WDR76: variants seen among roughly 807,000 people sequenced by gnomAD.
WDR76 encodes the protein WD repeat-containing protein 76.
WDR76 carries 52 observed loss-of-function variants against 70.2 expected under a neutral mutation model. That is an observed-to-expected ratio of 0.74 (90% CI 0.59 to 0.93). WDR76 has a LOEUF of 0.93. Among genes scored for constraint, WDR76 ranks in the 40% least tolerant of loss-of-function variants. WDR76 has a pLI of 0.00. For missense variants in WDR76, 756 were observed against 760.2 expected (o/e 0.99, Z 0.07); for synonymous variants, 292 against 271.1 (o/e 1.08, Z -0.76).
At chr15:43,861,294 T>C (rs767030610) in intron 11 of WDR76, 39 bp from the exon 12 acceptor site, 1 of 1,553,440 alleles carries the variant, frequency 6.4e-7, no homozygotes, top group South Asian at 1.1e-5. Context: ...AGAAAGTTTT[T>C]AAGTAACAAA....
chr15:43,841,474 A>T (rs2087725003), intron 5 of WDR76, among the ~76,000 whole-genome samples: 1 of 151,964 alleles, frequency 6.6e-6, no homozygotes. Flanking sequence ...GATTACAGGT[A>T]TGAGCCACCG....
chr15:43,856,816 T>G (rs916512285), intron 9 of WDR76, 130 bp from the exon 10 acceptor site: 1 of 723,752 alleles, frequency 1.4e-6, no homozygotes, highest in Non-Finnish European at 2.3e-6. Flanking sequence ...GTGCATCTGA[T>G]GGGGATGATG....
intron 2 of WDR76, among the ~76,000 whole-genome samples, chr15:43,831,109 T>C (rs904063328): frequency 2.6e-5 from 4 of 151,662 alleles, no homozygotes; most frequent in African/African-American, 9.7e-5. Flanking sequence ...CAGGTGCCTG[T>C]AATCTGAGCT....
chr15:43,861,272 GA>G lies in WDR76; in HGVS notation c.1563-60del, dbSNP rs1198793167. On this transcript the variant is annotated intron_variant, in intron 11 of 12. Coordinates refer to ENST00000263795, the MANE Select transcript of WDR76 (RefSeq NM_024908.4). Reference sequence around the variant, plus strand: ...TAATGAGAAGCTTGTTAAATACACTGATATTTATTTCAGAAAGTTTTTAAGT... The same window carrying G: ...TAATGAGAAGCTTGTTAAATACACTGTATTTATTTCAGAAAGTTTTTAAGT... The G allele has an allele frequency of 2.3e-6, 3 of 1,308,736 alleles. No homozygotes were observed. The African/African-American group carries it at 4.4e-5, about 19-fold the overall frequency. 81.1% of individuals were successfully genotyped at this position (1,308,736 alleles called of 1,614,324 possible). A position where few individuals can be genotyped will look rare whatever the true frequency, so the allele number is the denominator to read the frequency against.
intron 8 of WDR76, among the ~76,000 whole-genome samples, chr15:43,846,949 G>A (rs1010999165): frequency 6.7e-6 from 1 of 150,190 alleles, no homozygotes; most frequent in Non-Finnish European, 1.5e-5. Flanking sequence ...TTGAACACAG[G>A]AGACGGAGGT....
At chr15:43,828,914 T>A (rs2087551853) in intron 2 of WDR76, among the ~76,000 whole-genome samples, 1 of 151,870 alleles carries the variant, frequency 6.6e-6, no homozygotes, top group Non-Finnish European at 1.5e-5. Flanking sequence ...TCTTTTTTTT[T>A]TTTTTGGAGA....
At chr15:43,857,961 CTTTTT>C (rs397854561) in intron 10 of WDR76, among the ~76,000 whole-genome samples, 3 of 95,530 alleles carry the variant, frequency 3.1e-5, no homozygotes, top group African/African-American at 3.5e-5. Context: ...AGGGTTCTGT[CTTTTT>C]TTTTTTTTTT....
rs770175699 is a variant in WDR76, at chr15:43,839,708, A to C, written c.712A>C (p.Thr238Pro). 2.5e-6 allele frequency: 4 copies of C among 1,609,690 alleles called. No homozygotes were observed. The highest frequency in any genetic ancestry group is 1.7e-6 in the Non-Finnish European group (2 of 1,177,542). The change falls in exon 5 of 13, where the codon ACA becomes CCA. Residue 238 changes from threonine to proline, a missense_variant. Thr to Pro is a conservative substitution (Grantham distance 38). Coordinates refer to ENST00000263795, the MANE Select transcript of WDR76 (RefSeq NM_024908.4). ...ATTACCAGCAGCTCCAACACCGCCG[A>C]CATTAGTAGCAGATGAAACTGTAAG... ...VSLPAAPTPP[T>P]LVADETPLLP...
chr15:43,844,968 T>G (rs1366521367), intron 8 of WDR76, among the ~76,000 whole-genome samples: 3 of 139,930 alleles, frequency 2.1e-5, no homozygotes, highest in African/African-American at 7.7e-5. Flanking sequence ...AAAGTTTAGT[T>G]TTCTTTTTTT....
chr15:43,858,834 A>G lies in WDR76; in HGVS notation c.1562+11A>G. ...TGATTGTAATCTGAGGTAAATTGGG[A>G]AGGCAGAAATGTTTTTAGGGAATCT... On this transcript the variant is annotated intron_variant, in intron 11 of 12. Coordinates refer to ENST00000263795, the MANE Select transcript of WDR76 (RefSeq NM_024908.4). The G allele has an allele frequency of 6.2e-7, 1 of 1,611,110 alleles. No individual in the cohort carries two copies. The highest frequency in any genetic ancestry group is 1.7e-5 in the Admixed American group (1 of 59,078).
intron 8 of WDR76, among the ~76,000 whole-genome samples, chr15:43,849,238 T>A (rs1427150919): frequency 6.6e-6 from 1 of 151,290 alleles, no homozygotes; most frequent in African/African-American, 2.4e-5. Flanking sequence ...TCAATATAAA[T>A]TATCTAAAAT....
intron 4 of WDR76, among the ~76,000 whole-genome samples, chr15:43,837,420 A>AT (rs879564980): frequency 6.6e-6 from 1 of 152,142 alleles, no homozygotes. Context: ...TTACATTTGC[A>AT]TTTTTTTATT....
chr15:43,840,403 C>A (rs940930882), intron 5 of WDR76, among the ~76,000 whole-genome samples: 1 of 151,564 alleles, frequency 6.6e-6, no homozygotes, highest in African/African-American at 2.4e-5. Flanking sequence ...TAAAGTTTCT[C>A]ACATATTAGG....
At chr15:43,831,559 G>A (rs1238528492) in intron 2 of WDR76, among the ~76,000 whole-genome samples, 5 of 151,728 alleles carry the variant, frequency 3.3e-5, no homozygotes, top group South Asian at 2.1e-4. Context: ...CCATCTCAGC[G>A]TCCCGAGTAG....
Position 43,827,971 on chromosome 15 carries a change from G to A in WDR76, c.67G>A (p.Glu23Lys). Residue 23 changes from glutamate to lysine, a missense_variant, in exon 2 of 13, where the codon GAA (glutamate) becomes AAA (lysine). Transcript: ENST00000263795. ...CTTTTATTGATCTGAATAGGTAAAT[G>A]AATATAAAGAAAATCAAAACATCGC... Reference protein sequence around the residue: ...SRQRPQMKVNEYKENQNIAYV... With the variant: ...SRQRPQMKVNKYKENQNIAYV... 1 of 1,603,220 alleles carries A rather than the reference G, an allele frequency of 6.2e-7. No homozygotes were observed. Among genetic ancestry groups the A allele is most frequent in the Non-Finnish European group, 8.5e-7 (1 of 1,176,954 alleles).
chr15:43,848,928 G>T (rs1185742933), intron 8 of WDR76, among the ~76,000 whole-genome samples: 2 of 145,610 alleles, frequency 1.4e-5, no homozygotes, highest in African/African-American at 2.6e-5. Flanking sequence ...ACAGAGTTGA[G>T]ACTTTTTTTT....
intron 7 of WDR76, among the ~76,000 whole-genome samples, chr15:43,843,087 T>A (rs189413331): frequency 1.2e-3 from 184 of 147,514 alleles, no homozygotes; most frequent in African/African-American, 4.5e-3. Flanking sequence ...GCAGTGGCAC[T>A]ATCTTGGCTC....
chr15:43,862,510 T>G (rs1453883551), intron 12 of WDR76, among the ~76,000 whole-genome samples: 1 of 145,172 alleles, frequency 6.9e-6, no homozygotes, highest in African/African-American at 2.7e-5. Context: ...TTGTTTTTTG[T>G]TTTTTTGTTT....
chr15:43,838,060 A>G (rs1247937173), intron 4 of WDR76, among the ~76,000 whole-genome samples: 1 of 151,888 alleles, frequency 6.6e-6, no homozygotes. Context: ...GATTTTTAGT[A>G]GACGGGGTTT....
Sources: allele counts gnomAD v4.1 joint callset (sites outside exome capture counted in the v4.1 genomes callset), GRCh38; gene constraint gnomAD v4.1.1; transcripts MANE v1.5; gene names NCBI Gene and HGNC (gene_info 2026-07-23, HGNC 2026-07-21).